ROBO2: variants seen among roughly 807,000 people sequenced by gnomAD.
ROBO2 encodes the protein roundabout homolog 2.
ROBO2 carries 53 observed loss-of-function variants against 160.8 expected under a neutral mutation model. The ratio of observed to expected loss-of-function variants is 0.33; its 90% CI spans 0.26 to 0.41. ROBO2 has a LOEUF of 0.41. Among genes scored for constraint, ROBO2 ranks in the 10% least tolerant of loss-of-function variants. ROBO2 has a pLI of 1.00. For synonymous variants in ROBO2, 664 were observed against 611.7 expected (o/e 1.09, Z -1.26); for missense variants, 1,577 against 1,722.4 (o/e 0.92, Z 1.49).
intron 2 of ROBO2, among the ~76,000 whole-genome samples, chr3:75,984,449 C>T (rs952191768): frequency 1.5e-4 from 23 of 151,160 alleles, no homozygotes; most frequent in African/African-American, 5.3e-4. Context: ...TCTGGATAAA[C>T]CAATAATTAG....
At chr3:77,643,248 C>T (rs9881974) in intron 24 of ROBO2, among the ~76,000 whole-genome samples, 6,053 of 152,230 alleles carry the variant, frequency 0.04, 226 homozygotes, top group African/African-American at 0.096. Context: ...CTTTAAAGAT[C>T]GCTAAATTTA....
intron 2 of ROBO2, among the ~76,000 whole-genome samples, chr3:77,246,360 T>TGTGTGTG (rs748672940): frequency 2.0e-5 from 3 of 151,034 alleles, no homozygotes; most frequent in Admixed American, 6.6e-5. Flanking sequence ...TGTGTGTGTG[T>TGTGTGTG]TTTGCATGTT....
chr3:75,953,786 A>G (rs1235653567), intron 2 of ROBO2, among the ~76,000 whole-genome samples: 1 of 151,944 alleles, frequency 6.6e-6, no homozygotes, highest in Non-Finnish European at 1.5e-5. Flanking sequence ...CAATTCAAGA[A>G]CAGATTACTG....
rs143195816 is a variant in ROBO2, at chr3:76,083,511, A to G, written c.109+145909A>G. ...CAACAGCATGGGAAGGAAAAAAAAT[A>G]CACTTTTTGCTAGACTAGTTTGTGA... On this transcript the variant is annotated intron_variant, in intron 2 of 26. Transcript: ENST00000487694. 8.0e-4 allele frequency among the ~76,000 whole-genome samples: 122 copies of G among 152,254 alleles called. 3 individuals carry two copies. In the East Asian group the frequency reaches 0.021, roughly 27 times the overall value.
At chr3:76,979,708 G>A (rs1007474546) in intron 2 of ROBO2, among the ~76,000 whole-genome samples, 11 of 148,676 alleles carry the variant, frequency 7.4e-5, no homozygotes, top group African/African-American at 2.7e-4. Context: ...AGTTAATTTT[G>A]TGCAGAGAAA....
intron 2 of ROBO2, among the ~76,000 whole-genome samples, chr3:76,828,274 G>T (rs1215474692): frequency 6.6e-6 from 1 of 151,644 alleles, no homozygotes; most frequent in African/African-American, 2.4e-5. Context: ...AGTGGCATGT[G>T]GTAGGTGTTC....
At chr3:77,378,839 A>C (rs1297117692) in intron 2 of ROBO2, among the ~76,000 whole-genome samples, 6 of 152,178 alleles carry the variant, frequency 3.9e-5, no homozygotes, top group Admixed American at 3.9e-4. Flanking sequence ...CTTAAGATCC[A>C]TTCAATTCGT....
intron 2 of ROBO2, among the ~76,000 whole-genome samples, chr3:76,651,860 C>A (rs1468879163): frequency 6.6e-6 from 1 of 152,066 alleles, no homozygotes; most frequent in Non-Finnish European, 1.5e-5. Flanking sequence ...CAGCTTTTGC[C>A]CCTCTCTTGC....
At chr3:76,603,354 ATATATATATATAT>A (rs2087378506) in intron 2 of ROBO2, among the ~76,000 whole-genome samples, 4 of 66,854 alleles carry the variant, frequency 6.0e-5, no homozygotes, top group Admixed American at 1.8e-4. Context: ...AAAAAAAAAT[ATATATATATATAT>A]ATATATATAT....
chr3:76,301,970 G>T (rs1176447372), intron 2 of ROBO2, among the ~76,000 whole-genome samples: 2 of 152,016 alleles, frequency 1.3e-5, no homozygotes, highest in African/African-American at 2.4e-5. Flanking sequence ...GTAAATGGAG[G>T]CCATCCCTGA....
At chr3:76,633,045 T>C (rs2090120085) in intron 2 of ROBO2, among the ~76,000 whole-genome samples, 1 of 152,216 alleles carries the variant, frequency 6.6e-6, no homozygotes, top group Non-Finnish European at 1.5e-5. Context: ...TGTCACAACA[T>C]GTTTACAGGA....
chr3:76,354,787 G>A lies in ROBO2; in HGVS notation c.109+417185G>A, dbSNP rs968357802. Among the ~76,000 whole-genome samples, 11 of 151,904 alleles carry A rather than the reference G, an allele frequency of 7.2e-5. No homozygotes were observed. The Middle Eastern group carries it at 0.01, about 141-fold the overall frequency. On this transcript the variant is annotated intron_variant, in intron 2 of 26. Coordinates refer to the ROBO2 transcript ENST00000487694. Reference sequence around the variant, plus strand: ...TAGGAAAAACTGCTGGGTATAAGTAGAGGAAAAGAGAAGCCTCAGCACAGA... The same window carrying A: ...TAGGAAAAACTGCTGGGTATAAGTAAAGGAAAAGAGAAGCCTCAGCACAGA...
At chr3:77,235,947 C>T (rs2087910088) in intron 2 of ROBO2, among the ~76,000 whole-genome samples, 1 of 152,184 alleles carries the variant, frequency 6.6e-6, no homozygotes, top group Admixed American at 6.5e-5. Context: ...CCAAAGTCCA[C>T]AGCTGATGTT....
intron 2 of ROBO2, among the ~76,000 whole-genome samples, chr3:75,950,020 ATGTG>A (rs61564519): frequency 3.4e-5 from 5 of 149,006 alleles, no homozygotes; most frequent in African/African-American, 7.4e-5. Context: ...CTACATATGC[ATGTG>A]TGTGTGTGTG....
chr3:76,903,412 C>T (rs2075367930), intron 2 of ROBO2, among the ~76,000 whole-genome samples: 1 of 152,032 alleles, frequency 6.6e-6, no homozygotes, highest in Non-Finnish European at 1.5e-5. Context: ...TGCTGGGAGT[C>T]AATTGGACTT....
chr3:77,340,048 C>G (rs1228309658), intron 2 of ROBO2, among the ~76,000 whole-genome samples: 2 of 152,088 alleles, frequency 1.3e-5, no homozygotes, highest in African/African-American at 4.8e-5. Flanking sequence ...GGCCCTTTGC[C>G]TGCTGATATT....
intron 2 of ROBO2, among the ~76,000 whole-genome samples, chr3:76,623,834 C>G (rs2089413734): frequency 6.6e-6 from 1 of 152,078 alleles, no homozygotes; most frequent in Admixed American, 6.5e-5. Context: ...GAAGCAAAGT[C>G]AAGTTTAGGG....
Position 76,969,730 on chromosome 3 carries a change from A to T in ROBO2, c.110-128284A>T, listed in dbSNP as rs1239309664. Reference sequence around the variant, plus strand: ...TGACTTACAAGCTTTATTATAAATTATTGGTGCTTTGGAGGTATAACAAAG... The same window carrying T: ...TGACTTACAAGCTTTATTATAAATTTTTGGTGCTTTGGAGGTATAACAAAG... On this transcript the variant is annotated intron_variant, in intron 2 of 26. Transcript: ENST00000487694. 2.6e-5 allele frequency among the ~76,000 whole-genome samples: 4 copies of T among 152,050 alleles called. No homozygotes were observed. The East Asian group carries it at 7.7e-4, about 29-fold the overall frequency.
At chr3:77,048,303 AG>A (rs1157905731) in intron 1 of ROBO2, among the ~76,000 whole-genome samples, 1 of 152,138 alleles carries the variant, frequency 6.6e-6, no homozygotes, top group Admixed American at 6.5e-5. Flanking sequence ...TTGCCTCTTA[AG>A]GGAACTTATC....
Sources: gnomAD v4.1 joint callset for allele counts (sites outside exome capture counted in the v4.1 genomes callset) on GRCh38, gnomAD v4.1.1 for gene constraint, MANE v1.5 for transcripts, NCBI Gene and HGNC (gene_info 2026-07-23, HGNC 2026-07-21) for gene names.